Variants in KLHL8 observed in about 807,000 individuals in gnomAD.
KLHL8 encodes the protein kelch like family member 8, also known as kelch-like protein 8.
Under a neutral mutation model 63.5 loss-of-function variants are expected in KLHL8, and 38 were observed. The ratio of observed to expected loss-of-function variants is 0.60; its 90% CI spans 0.46 to 0.78. The LOEUF (loss-of-function observed/expected upper bound fraction) is 0.78, where lower values mean the gene tolerates loss of function less well. KLHL8 is among the 30% of genes least tolerant of loss of function. The probability of loss-of-function intolerance (pLI) is 0.00; values close to 1 mark genes in which losing one functional copy is unlikely to be tolerated. For missense variants in KLHL8, 566 were observed against 752.4 expected, an observed-to-expected ratio of 0.75 and a Z score of 2.90; for synonymous variants, 224 against 254.3, an observed-to-expected ratio of 0.88 and a Z score of 1.13.
chr4:87,199,920 G>A (rs1731843707), intron 1 of KLHL8, among the ~76,000 whole-genome samples: 1 of 151,896 alleles, frequency 6.6e-6, no homozygotes, highest in African/African-American at 2.4e-5. Flanking sequence ...GATACTCGAG[G>A]ATTGTTTGAG....
intron 8 of KLHL8, among the ~76,000 whole-genome samples, chr4:87,169,754 C>G (rs1172713648): frequency 6.6e-6 from 1 of 151,918 alleles, no homozygotes; most frequent in African/African-American, 2.4e-5. Context: ...GTCCTAGCTA[C>G]TTGAGAGGCT....
chr4:87,166,423 C>T (rs1730401519), intron 8 of KLHL8, among the ~76,000 whole-genome samples: 1 of 152,222 alleles, frequency 6.6e-6, no homozygotes, highest in South Asian at 2.1e-4. Flanking sequence ...AATTCATTTC[C>T]TCCTCTATAA....
At chr4:87,240,515 G>C (rs532692847), upstream of KLHL8, among the ~76,000 whole-genome samples, 1 of 152,198 alleles carries the variant, frequency 6.6e-6, no homozygotes, top group South Asian at 2.1e-4. Context: ...TACTCTGCTT[G>C]CTTCTGTGTT....
At chr4:87,216,590 C>T (rs1206576179) in intron 1 of KLHL8, among the ~76,000 whole-genome samples, 1 of 152,134 alleles carries the variant, frequency 6.6e-6, no homozygotes, top group Non-Finnish European at 1.5e-5. Context: ...TATGCTCACG[C>T]TAACAGATTC....
At chr4:87,187,614 C>A (rs1254506653) in intron 2 of KLHL8, among the ~76,000 whole-genome samples, 3 of 151,712 alleles carry the variant, frequency 2.0e-5, no homozygotes, top group East Asian at 3.9e-4. Context: ...TAAATGAAGT[C>A]TTTTTATTTA....
chr4:87,196,317 T>C (rs924670074), intron 1 of KLHL8, among the ~76,000 whole-genome samples: 4 of 152,140 alleles, frequency 2.6e-5, no homozygotes, highest in East Asian at 1.9e-4. Context: ...ATTACTGGAA[T>C]AGAGATATAC....
At chr4:87,213,694 T>C (rs1732490705) in intron 1 of KLHL8, among the ~76,000 whole-genome samples, 1 of 152,252 alleles carries the variant, frequency 6.6e-6, no homozygotes, top group African/African-American at 2.4e-5. Context: ...AAACTTTGTT[T>C]ACAAAAACAG....
At chr4:87,204,227 C>T (rs1395285533) in intron 1 of KLHL8, among the ~76,000 whole-genome samples, 1 of 152,080 alleles carries the variant, frequency 6.6e-6, no homozygotes, top group Non-Finnish European at 1.5e-5. Context: ...TGCCACATCC[C>T]CATACACACA....
At chr4:87,171,387 T>G (rs537377871) in intron 6 of KLHL8, among the ~76,000 whole-genome samples, 11 of 152,252 alleles carry the variant, frequency 7.2e-5, no homozygotes, top group African/African-American at 2.6e-4. Flanking sequence ...AGTATTAGCT[T>G]TTATTATTAT....
In KLHL8 at chr4:87,206,063, C is replaced by G. The variant is rs1732118939; in HGVS notation, c.-151-10373G>C. The stretch of plus-strand genomic sequence containing the variant: ...CACCATTTTTTCAGTTACCCTACTT[C>G]AAAACATGAGCCATATTTGACTCCT... On this transcript the variant is annotated intron_variant, in intron 1 of 9. Coordinates refer to ENST00000273963, the MANE Select transcript of KLHL8 (RefSeq NM_020803.5). 5.3e-5 allele frequency among the ~76,000 whole-genome samples: 8 copies of G among 152,340 alleles called. No homozygotes were observed. In the South Asian group the frequency reaches 1.7e-3, roughly 32 times the overall value.
At chr4:87,210,707 T>A (rs1482249685) in intron 1 of KLHL8, among the ~76,000 whole-genome samples, 2 of 152,090 alleles carry the variant, frequency 1.3e-5, no homozygotes, top group African/African-American at 4.8e-5. Context: ...CCTGAATGTG[T>A]TTAATTTTCC....
upstream of KLHL8, among the ~76,000 whole-genome samples, chr4:87,223,869 C>G (rs1172344020): frequency 6.6e-6 from 1 of 152,146 alleles, no homozygotes; most frequent in Non-Finnish European, 1.5e-5. Context: ...TTAGTTTTTA[C>G]CCATTCCTCC....
intron 8 of KLHL8, among the ~76,000 whole-genome samples, chr4:87,168,952 A>G (rs1290925660): frequency 7.0e-6 from 1 of 143,474 alleles, no homozygotes; most frequent in African/African-American, 2.5e-5. Flanking sequence ...GTAATAAAAG[A>G]TTGTTAAAGT....
intron 1 of KLHL8, among the ~76,000 whole-genome samples, chr4:87,205,412 AACACACACAC>A (rs76100807): frequency 3.3e-5 from 5 of 151,070 alleles, no homozygotes; most frequent in Non-Finnish European, 5.9e-5. Context: ...GACTCAAGAA[AACACACACAC>A]ACACACACAC....
chr4:87,212,475 G>C (rs1161136807), intron 1 of KLHL8, among the ~76,000 whole-genome samples: 1 of 152,084 alleles, frequency 6.6e-6, no homozygotes, highest in African/African-American at 2.4e-5. Flanking sequence ...AGCTACTCAG[G>C]GGACTGAGGT....
chr4:87,202,886 G>A (rs924617652), intron 1 of KLHL8, among the ~76,000 whole-genome samples: 7 of 152,048 alleles, frequency 4.6e-5, no homozygotes, highest in African/African-American at 1.7e-4. Flanking sequence ...TATCCCTCAT[G>A]AATACAGACA....
intron 8 of KLHL8, among the ~76,000 whole-genome samples, chr4:87,166,492 G>T (rs893433681): frequency 6.6e-6 from 1 of 152,092 alleles, no homozygotes; most frequent in Admixed American, 6.5e-5. Context: ...ACAAAGTGCC[G>T]GAAACACTTT....
At chr4:87,200,138 CAAAAAAAAAAAAA>C (rs61605160) in intron 1 of KLHL8, among the ~76,000 whole-genome samples, 3 of 73,706 alleles carry the variant, frequency 4.1e-5, no homozygotes, top group Non-Finnish European at 4.9e-5. Flanking sequence ...GAGACTGCCT[CAAAAAAAAAAAAA>C]AAAAAAAAAG....
intron 1 of KLHL8, among the ~76,000 whole-genome samples, chr4:87,227,259 T>G (rs1281728867): frequency 6.6e-6 from 1 of 151,718 alleles, no homozygotes; most frequent in African/African-American, 2.4e-5. Flanking sequence ...TAAAGGAAAC[T>G]AATCCAGTTT....
Sources: gnomAD v4.1 joint callset for allele counts (sites outside exome capture counted in the v4.1 genomes callset) on GRCh38, gnomAD v4.1.1 for gene constraint, MANE v1.5 for transcripts, NCBI Gene and HGNC (gene_info 2026-07-23, HGNC 2026-07-21) for gene names.